RHOD: variants seen among roughly 807,000 people sequenced by gnomAD.
RHOD encodes rho-related GTP-binding protein RhoD.
In RHOD, 11 loss-of-function variants were observed where a neutral mutation model predicts 16.7. That is an observed-to-expected ratio of 0.66 (90% CI 0.41 to 1.09). The LOEUF (loss-of-function observed/expected upper bound fraction) is 1.09. Among genes scored for constraint, RHOD ranks in the 50% least tolerant of loss-of-function variants. The pLI is 0.00. For synonymous variants in RHOD, 124 were observed against 126.3 expected, an observed-to-expected ratio of 0.98 and a Z score of 0.12; for missense variants, 271 against 291.7, an observed-to-expected ratio of 0.93 and a Z score of 0.52.
Position 67,070,474 on chromosome 11 carries a change from T to C in RHOD, c.380T>C (p.Val127Ala), listed in dbSNP as rs1250306514. Residue 127 changes from valine (V) to alanine (A), a missense_variant, in exon 4 of 5, where the codon GTG becomes GCG. Coordinates refer to ENST00000308831, the MANE Select transcript of RHOD (RefSeq NM_014578.4). Reference sequence around the variant, plus strand: ...TGCAAGAAGGTACCCATCATCGTCGTGGGCTGCAAGACTGACCTGCGCAAG... The same window carrying C: ...TGCAAGAAGGTACCCATCATCGTCGCGGGCTGCAAGACTGACCTGCGCAAG... ...HFCKKVPIIV[V>A]GCKTDLRKDK... 1.2e-6 allele frequency: 2 copies of C among 1,613,868 alleles called. No individual in the cohort carries two copies. Among genetic ancestry groups the C allele is most frequent in the Non-Finnish European group, 1.7e-6 (2 of 1,179,954 alleles).
Position 67,071,660 on chromosome 11 carries a change from C to G in RHOD, c.*58C>G. On this transcript the variant is annotated 3_prime_UTR_variant, in exon 5 of 5. Coordinates refer to ENST00000308831, the MANE Select transcript of RHOD (RefSeq NM_014578.4). The stretch of plus-strand genomic sequence containing the variant: ...GGCAGGGCGCTGACCTGCTGCTGAG[C>G]TGGCTGGGCTGGACCCGGTCCCTAG... 1 of 1,470,996 alleles carries G rather than the reference C, an allele frequency of 6.8e-7. No homozygotes were observed. 91.1% of individuals were successfully genotyped at this position (1,470,996 alleles called of 1,614,324 possible).
chr11:67,066,000 G>A lies in RHOD; in HGVS notation c.220+17G>A, dbSNP rs59589410. 4 of 1,439,348 alleles carry A rather than the reference G, an allele frequency of 2.8e-6. No individual in the cohort carries two copies. The highest frequency in any genetic ancestry group is 1.1e-5 in the South Asian group (1 of 87,102). 89.2% of individuals were successfully genotyped at this position (1,439,348 alleles called of 1,614,324 possible). A position where few individuals can be genotyped will look rare whatever the true frequency, so the allele number is the denominator to read the frequency against. ...ACACAGCAGGTGGGTGTGCAGGGGTGGGGCAGGGTGGGAGGGGCTTCTGTG... is the reference window on the plus strand; with the variant it reads ...ACACAGCAGGTGGGTGTGCAGGGGTAGGGCAGGGTGGGAGGGGCTTCTGTG... On this transcript the variant is annotated intron_variant, in intron 2 of 4. Transcript: ENST00000308831.
intron 1 of RHOD, among the ~76,000 whole-genome samples, chr11:67,059,415 C>T (rs1005427507): frequency 6.6e-6 from 1 of 151,982 alleles, no homozygotes; most frequent in Admixed American, 6.6e-5. Flanking sequence ...TAGTGGCAGG[C>T]GCCTGTAATC....
In RHOD at chr11:67,071,719, G is replaced by A; in HGVS notation, c.*117G>A. ...CGCCGAACTCCACTGCAACAGACGG[G>A]CGCCACCAAAGCCAGGCCCTGAGGC... On this transcript the variant is annotated 3_prime_UTR_variant, in exon 5 of 5. Transcript: ENST00000308831. 8.8e-7 allele frequency: 1 copy of A among 1,132,148 alleles called. No homozygotes were observed. Among genetic ancestry groups the A allele is most frequent in the Non-Finnish European group, 1.2e-6 (1 of 824,214 alleles). The allele number at this position is 1,132,148 out of a possible 1,614,324, so 70.1% of individuals were successfully genotyped here.
At chr11:67,058,088 T>C (rs58876856) in intron 1 of RHOD, among the ~76,000 whole-genome samples, 25,117 of 152,218 alleles carry the variant, frequency 0.17, 3,497 homozygotes, top group African/African-American at 0.38. Flanking sequence ...CTCCGCCTCC[T>C]GGGTTCAAGC....
chr11:67,062,851 C>T (rs974395525), intron 1 of RHOD, among the ~76,000 whole-genome samples: 18 of 152,256 alleles, frequency 1.2e-4, no homozygotes, highest in South Asian at 4.1e-4. Flanking sequence ...GACCCAAGAG[C>T]GGGCGGCCCA....
At position 67,057,048 on chromosome 11, in the gene RHOD, G is replaced by T; in HGVS notation, c.132+14G>T. ...GCCTTCCCCGAGGTGAGTGCCCCGC[G>T]CCTCCGCCTCGCCCGGTTCCGCTCG... On this transcript the variant is annotated intron_variant, in intron 1 of 4. Transcript: ENST00000308831. 7.0e-7 allele frequency: 1 copy of T among 1,438,698 alleles called. No individual in the cohort carries two copies. The allele number at this position is 1,438,698 out of a possible 1,614,324, so 89.1% of individuals were successfully genotyped here. A position where few individuals can be genotyped will look rare whatever the true frequency, so the allele number is the denominator to read the frequency against.
chr11:67,064,433 G>GA (rs1854934692), intron 1 of RHOD, among the ~76,000 whole-genome samples: 2 of 150,878 alleles, frequency 1.3e-5, no homozygotes, highest in Admixed American at 6.7e-5. Context: ...AAAAGAGAAG[G>GA]AAAAAAAACG....
chr11:67,057,909 C>T (rs1336008744), intron 1 of RHOD, among the ~76,000 whole-genome samples: 1 of 152,252 alleles, frequency 6.6e-6, no homozygotes, highest in Non-Finnish European at 1.5e-5. Context: ...GCAGACTCCA[C>T]GGGCACCAGG....
At chr11:67,067,493 T>C (rs374819608) in intron 3 of RHOD, among the ~76,000 whole-genome samples, 2 of 152,190 alleles carry the variant, frequency 1.3e-5, no homozygotes, top group African/African-American at 4.8e-5. Context: ...GCCAACCTTA[T>C]GGAGTATTAT....
At chr11:67,066,187 C>T (rs758692828) in intron 2 of RHOD, among the ~76,000 whole-genome samples, 1 of 152,218 alleles carries the variant, frequency 6.6e-6, no homozygotes, top group African/African-American at 2.4e-5. Flanking sequence ...CAGGGCCGCC[C>T]GCTACGTCCT....
intron 1 of RHOD, among the ~76,000 whole-genome samples, chr11:67,065,322 C>T (rs962108284): frequency 3.3e-5 from 5 of 152,214 alleles, no homozygotes; most frequent in African/African-American, 1.2e-4. Context: ...GATCCGCCCA[C>T]TTCGGCCTCC....
intron 1 of RHOD, 97 bp from the exon 2 acceptor site, chr11:67,065,799 A>T (rs551455017): frequency 7.8e-6 from 6 of 765,430 alleles, no homozygotes; most frequent in Non-Finnish European, 1.3e-5. Context: ...ACTACGCTCC[A>T]CTGACCCCCA....
At chr11:67,070,164 C>T (rs12285661) in intron 3 of RHOD, 9,128 of 531,630 alleles carry the variant, frequency 0.017, 640 homozygotes, top group African/African-American at 0.15. Flanking sequence ...CAAGTTACAT[C>T]GCCTTTCTGT....
chr11:67,065,702 A>C (rs888322412), intron 1 of RHOD, among the ~76,000 whole-genome samples, 194 bp from the exon 2 acceptor site: 4 of 152,122 alleles, frequency 2.6e-5, no homozygotes, highest in African/African-American at 9.7e-5. Context: ...ACTGAGAACA[A>C]AGCTGGGGAG....
chr11:67,058,580 G>C (rs1429655614), intron 1 of RHOD, among the ~76,000 whole-genome samples: 1 of 152,194 alleles, frequency 6.6e-6, no homozygotes, highest in South Asian at 2.1e-4. Flanking sequence ...CAAAGTGCTA[G>C]GATTACTGGC....
intron 4 of RHOD, 22 bp from the exon 5 acceptor site, chr11:67,071,413 C>A: frequency 6.4e-7 from 1 of 1,565,414 alleles, no homozygotes. Flanking sequence ...TTCACCGCAG[C>A]CCCATCCACC....
intron 1 of RHOD, among the ~76,000 whole-genome samples, chr11:67,064,441 ACGG>A (rs1854934848): frequency 6.6e-6 from 1 of 151,768 alleles, no homozygotes; most frequent in African/African-American, 2.4e-5. Flanking sequence ...AGGAAAAAAA[ACGG>A]TAGAGGGGCG....
chr11:67,064,856 C>T (rs930089330), intron 1 of RHOD, among the ~76,000 whole-genome samples: 1 of 151,974 alleles, frequency 6.6e-6, no homozygotes, highest in Non-Finnish European at 1.5e-5. Flanking sequence ...TTGCAGTGAG[C>T]TGTGGTGCCT....
Sources: gnomAD v4.1 joint callset for allele counts (sites outside exome capture counted in the v4.1 genomes callset) on GRCh38, gnomAD v4.1.1 for gene constraint, MANE v1.5 for transcripts, NCBI Gene and HGNC (gene_info 2026-07-23, HGNC 2026-07-21) for gene names.